Variants in MADD observed in about 807,000 individuals in gnomAD.
The protein encoded by MADD is MAP kinase-activating death domain protein.
MADD carries 109 observed loss-of-function variants against 176.7 expected under a neutral mutation model. That is an observed-to-expected ratio of 0.62 (90% CI 0.53 to 0.72). The LOEUF (loss-of-function observed/expected upper bound fraction) is 0.72, where lower values mean the gene tolerates loss of function less well. MADD is among the 30% of genes least tolerant of loss of function. The pLI is 0.00. For missense variants in MADD, 1,914 were observed against 2,045.5 expected, an observed-to-expected ratio of 0.94 and a Z score of 1.24; for synonymous variants, 771 against 771.3, an observed-to-expected ratio of 1.00 and a Z score of 0.01.
At chr11:47,293,552 C>G (rs1353233293) in intron 19 of MADD, among the ~76,000 whole-genome samples, 1 of 152,148 alleles carries the variant, frequency 6.6e-6, no homozygotes, top group East Asian at 1.9e-4. Context: ...ATCTACCTGC[C>G]TCAGCCTCCC....
Position 47,282,857 on chromosome 11 carries a change from G to A in MADD, c.1750G>A (p.Ala584Thr), listed in dbSNP as rs370767924. 15 of 1,613,846 alleles carry A rather than the reference G, an allele frequency of 9.3e-6. No individual in the cohort carries two copies. In the East Asian group the frequency reaches 3.3e-4, roughly 36 times the overall value. ...GATTGGTGACAAGCCAAAGTGGTAT[G>A]CTCATCAGCTGCAGCCTATCCACTA... Residue 584 changes from alanine to threonine, a missense_variant, in exon 10 of 33, where the codon GCT becomes ACT. Coordinates refer to ENST00000402192, the Ensembl canonical transcript of MADD.
chr11:47,297,195 A>G (rs1007857943), intron 22 of MADD, among the ~76,000 whole-genome samples: 6 of 152,228 alleles, frequency 3.9e-5, no homozygotes, highest in African/African-American at 7.2e-5. Context: ...TTTAAGGCCT[A>G]TGGGGAGAAA....
chr11:47,269,396 G>C (rs1157110813), upstream of MADD: 3 of 152,454 alleles, frequency 2.0e-5, no homozygotes, highest in Non-Finnish European at 4.4e-5. Context: ...CTAAGGCGTC[G>C]GCGGTGCACC....
chr11:47,315,357 A>G, intron 27 of MADD, 30 bp downstream of exon 30: 1 of 1,383,870 alleles, frequency 7.2e-7, no homozygotes, highest in Non-Finnish European at 1.0e-6. Flanking sequence ...GGGGGCCCAA[A>G]GGGCTATTGA....
intron 3 of MADD, among the ~76,000 whole-genome samples, chr11:47,275,525 A>G (rs564474359): frequency 8.5e-5 from 13 of 152,316 alleles, no homozygotes; most frequent in Admixed American, 8.5e-4. Context: ...TCCTCACCTC[A>G]GGTGGTCCAC....
chr11:47,285,120 T>C (rs1251397067), exon 13 of MADD: 1 of 1,613,882 alleles, frequency 6.2e-7, no homozygotes, highest in East Asian at 2.2e-5. Context: ...AATATGGCTT[T>C]CCCCCTGAGG....
chr11:47,324,410 G>A, intron 29 of MADD, 61 bp from the exon 33 acceptor site: 1 of 1,601,032 alleles, frequency 6.2e-7, no homozygotes, highest in East Asian at 2.2e-5. Flanking sequence ...GCCTGGCAGG[G>A]AAGTCAGGGG....
chr11:47,278,872 C>A (rs991972312), intron 6 of MADD, 127 bp from the exon 7 acceptor site: 3 of 672,584 alleles, frequency 4.5e-6, no homozygotes, highest in African/African-American at 1.8e-5. Flanking sequence ...TCTTACTGTG[C>A]AGTTATATAA....
At chr11:47,327,563 C>T (rs2095586927) in intron 31 of MADD, 1 of 985,274 alleles carries the variant, frequency 1.0e-6, no homozygotes, top group Admixed American at 6.2e-5. Flanking sequence ...TCCTTTCTCC[C>T]CTACCCTCTT....
chr11:47,277,028 C>G (rs948957903), intron 5 of MADD, among the ~76,000 whole-genome samples, 165 bp downstream of exon 5: 6 of 152,168 alleles, frequency 3.9e-5, no homozygotes, highest in African/African-American at 1.2e-4. Flanking sequence ...AAGGCTTATG[C>G]TATTTTAGTT....
chr11:47,315,361 C>T (rs2092435679), intron 27 of MADD, 34 bp downstream of exon 30: 1 of 1,325,764 alleles, frequency 7.5e-7, no homozygotes, highest in African/African-American at 1.4e-5. Context: ...GCCCAAAGGG[C>T]TATTGAGAGT....
At chr11:47,315,936 A>G (rs2092726998) in intron 27 of MADD, among the ~76,000 whole-genome samples, 1 of 151,122 alleles carries the variant, frequency 6.6e-6, no homozygotes, top group Non-Finnish European at 1.5e-5. Context: ...GGTTCAAGCA[A>G]TTCTCCTGCC....
chr11:47,285,617 C>T, intron 14 of MADD, 27 bp downstream of exon 14: 1 of 1,613,300 alleles, frequency 6.2e-7, no homozygotes, highest in Non-Finnish European at 8.5e-7. Context: ...GTCTCTCTCA[C>T]TCCTGTGTTC....
At chr11:47,313,481 GT>G (rs112445074) in intron 26 of MADD, among the ~76,000 whole-genome samples, 55,149 of 139,860 alleles carry the variant, frequency 0.39, 11,068 homozygotes, top group East Asian at 0.69. Context: ...CACCTGGCTA[GT>G]TTTTTTTTTT....
upstream of MADD, chr11:47,270,128 C>T (rs959101663): frequency 6.6e-6 from 1 of 152,030 alleles, no homozygotes; most frequent in Admixed American, 6.5e-5. Context: ...TGGTGCGTGC[C>T]CCCCAGTGCA....
upstream of MADD, chr11:47,269,698 C>T (rs1958383794): frequency 6.6e-6 from 1 of 151,790 alleles, no homozygotes; most frequent in South Asian, 2.1e-4. Flanking sequence ...TTGGTAGGCT[C>T]CACCGCTCGG....
chr11:47,328,206 C>T, intron 31 of MADD: 1 of 1,067,494 alleles, frequency 9.4e-7, no homozygotes, highest in Non-Finnish European at 1.1e-6. Context: ...TTTAACATGA[C>T]CCAATTTTCA....
intron 1 of MADD, among the ~76,000 whole-genome samples, chr11:47,273,370 A>C (rs890737192): frequency 1.3e-5 from 2 of 150,932 alleles, no homozygotes; most frequent in African/African-American, 4.9e-5. Context: ...ACGGAGTCTC[A>C]CTCTGTCACC....
At chr11:47,324,614 C>A in intron 30 of MADD, 37 bp downstream of exon 33, 2 of 1,445,186 alleles carry the variant, frequency 1.4e-6, no homozygotes, top group East Asian at 2.3e-5. Context: ...CCCTGTCGTT[C>A]CATCTGTAAG....
Sources: allele counts gnomAD v4.1 joint callset (sites outside exome capture counted in the v4.1 genomes callset), GRCh38; gene constraint gnomAD v4.1.1; transcripts MANE v1.5; gene names NCBI Gene and HGNC (gene_info 2026-07-23, HGNC 2026-07-21).